The following MAST4 variants were observed in gnomAD, a reference collection of about 807,000 sequenced individuals.
MAST4 encodes microtubule-associated serine/threonine-protein kinase 4.
Under a neutral mutation model 162.7 loss-of-function variants are expected in MAST4, and 89 were observed. The ratio of observed to expected loss-of-function variants is 0.55; its 90% CI spans 0.46 to 0.65. MAST4 has a LOEUF of 0.65. Ranked by LOEUF, MAST4 falls within the 30% of genes least tolerant of loss-of-function variation. The probability of loss-of-function intolerance (pLI) is 0.00; values close to 1 mark genes in which losing one functional copy is unlikely to be tolerated. For missense variants in MAST4, 3,153 were observed against 3,374.0 expected (o/e 0.93, Z 1.62); for synonymous variants, 1,479 against 1,361.1 (o/e 1.09, Z -1.91).
chr5:66,597,335 G>A (rs1047110964), intron 1 of MAST4, among the ~76,000 whole-genome samples: 1 of 152,224 alleles, frequency 6.6e-6, no homozygotes, highest in Admixed American at 6.5e-5. Flanking sequence ...CTGGACATCT[G>A]GCGTGTCCCC....
chr5:66,953,284 T>A (rs76570726), intron 4 of MAST4, among the ~76,000 whole-genome samples: 1 of 152,154 alleles, frequency 6.6e-6, no homozygotes, highest in East Asian at 1.9e-4. Context: ...AAATATTGCA[T>A]TGGGGAGATC....
Position 66,882,499 on chromosome 5 carries a change from T to C in MAST4, c.643-17452T>C, listed in dbSNP as rs1019931050. Among the ~76,000 whole-genome samples the C allele has an allele frequency of 3.3e-5, 5 of 152,346 alleles. No homozygotes were observed. The East Asian group carries it at 7.7e-4, about 23-fold the overall frequency. On this transcript the variant is annotated intron_variant, in intron 3 of 28. Coordinates refer to ENST00000403625, the MANE Select transcript of MAST4 (RefSeq NM_001164664.2). Reference sequence around the variant, plus strand: ...TTGACTTAACTGTACTGATCATTTATTTTGCTTTACTCTGCCAGTTAGTAA... The same window carrying C: ...TTGACTTAACTGTACTGATCATTTACTTTGCTTTACTCTGCCAGTTAGTAA...
At chr5:67,133,087 GAAAC>G (rs1259457807) in intron 16 of MAST4, among the ~76,000 whole-genome samples, 7 of 152,122 alleles carry the variant, frequency 4.6e-5, no homozygotes, top group Admixed American at 6.5e-5. Context: ...GTTGAAATCT[GAAAC>G]AATACAATAT....
At chr5:67,027,492 C>T (rs1754807044) in intron 4 of MAST4, among the ~76,000 whole-genome samples, 1 of 152,192 alleles carries the variant, frequency 6.6e-6, no homozygotes. Flanking sequence ...GAGTCTTAGA[C>T]ATGGTTCCTG....
chr5:66,649,381 A>T (rs1414807467), intron 1 of MAST4, among the ~76,000 whole-genome samples: 1 of 152,126 alleles, frequency 6.6e-6, no homozygotes, highest in East Asian at 1.9e-4. Context: ...CGGTAAGTAG[A>T]TGCACAGGAG....
intron 3 of MAST4, among the ~76,000 whole-genome samples, chr5:66,865,912 C>T (rs1760478998): frequency 4.6e-5 from 7 of 151,584 alleles, no homozygotes; most frequent in Admixed American, 3.9e-4. Context: ...CCATCTTTAC[C>T]AAAAATACGA....
chr5:66,853,112 G>A (rs1759435894), intron 3 of MAST4, among the ~76,000 whole-genome samples: 1 of 152,214 alleles, frequency 6.6e-6, no homozygotes, highest in South Asian at 2.1e-4. Flanking sequence ...GACTGGTAGA[G>A]TCAAGTTATT....
At chr5:67,067,939 A>G (rs931637930) in intron 5 of MAST4, among the ~76,000 whole-genome samples, 3 of 152,120 alleles carry the variant, frequency 2.0e-5, no homozygotes, top group African/African-American at 7.2e-5. Context: ...ACACACATAC[A>G]CACACACAGG....
chr5:66,828,647 A>G (rs1489659545), intron 3 of MAST4: 11 of 668,836 alleles, frequency 1.6e-5, no homozygotes, highest in Non-Finnish European at 2.5e-5. Context: ...GCTCTCTCCC[A>G]CCGAACTGCA....
At chr5:66,767,897 G>C (rs1484798830) in intron 2 of MAST4, among the ~76,000 whole-genome samples, 1 of 152,092 alleles carries the variant, frequency 6.6e-6, no homozygotes, top group Non-Finnish European at 1.5e-5. Context: ...CCAGATTAAG[G>C]GTGGGTCTGC....
intron 4 of MAST4, among the ~76,000 whole-genome samples, chr5:66,987,704 A>G (rs1022884906): frequency 2.0e-5 from 3 of 152,116 alleles, no homozygotes; most frequent in Non-Finnish European, 4.4e-5. Flanking sequence ...GATCATGTCA[A>G]ATATTTGGTT....
At chr5:66,660,096 G>A (rs1365946897) in intron 1 of MAST4, among the ~76,000 whole-genome samples, 1 of 152,198 alleles carries the variant, frequency 6.6e-6, no homozygotes, top group Non-Finnish European at 1.5e-5. Flanking sequence ...ACATGAAAGT[G>A]CTACATGCGT....
intron 1 of MAST4, among the ~76,000 whole-genome samples, chr5:66,609,240 T>C (rs1743113161): frequency 6.6e-6 from 1 of 152,094 alleles, no homozygotes; most frequent in Non-Finnish European, 1.5e-5. Flanking sequence ...TAGTCTTTTA[T>C]TTAAAAAGGT....
At chr5:66,692,217 T>TA (rs1449434300) in intron 1 of MAST4, among the ~76,000 whole-genome samples, 6 of 152,160 alleles carry the variant, frequency 3.9e-5, no homozygotes, top group Non-Finnish European at 8.8e-5. Flanking sequence ...AATCGCATGG[T>TA]AAGAGAAGCA....
Position 66,817,763 on chromosome 5 carries a change from A to C in MAST4, c.642+28969A>C, listed in dbSNP as rs2149725918. Among the ~76,000 whole-genome samples the C allele has an allele frequency of 1.3e-5, 2 of 152,356 alleles. 1 individual carries two copies. Among genetic ancestry groups the C allele is most frequent in the South Asian group, 4.1e-4 (2 of 4,826 alleles). ...TTAGTTTCTGTGAAACACATTGTGC[A>C]TTAATGATATCATTAAGATTAATGA... is the stretch of plus-strand genomic sequence containing the variant. On this transcript the variant is annotated intron_variant, in intron 3 of 28. Transcript: ENST00000403625.
Position 67,047,483 on chromosome 5 carries a change from T to C in MAST4, c.675-6921T>C, listed in dbSNP as rs73117347. Among the ~76,000 whole-genome samples the C allele has an allele frequency of 4.5e-3, 686 of 152,348 alleles. 3 individuals are homozygous for C. Among genetic ancestry groups the C allele is most frequent in the African/African-American group, 0.016 (655 of 41,576 alleles). On this transcript the variant is annotated intron_variant, in intron 4 of 28. Coordinates refer to ENST00000403625, the MANE Select transcript of MAST4 (RefSeq NM_001164664.2). The stretch of plus-strand genomic sequence containing the variant: ...CCTCTCTCACCTCCCCAGTGAGGCC[T>C]TTCCTGACCACCTGTTTGAAATTGT...
intron 4 of MAST4, chr5:66,986,620 T>TATATA (rs58502962): frequency 0.01 from 1,847 of 179,456 alleles, 18 homozygotes; most frequent in Admixed American, 0.04. Context: ...ATATATATAT[T>TATATA]TATTTATTTA....
At chr5:66,670,090 C>T (rs1196198599) in intron 1 of MAST4, among the ~76,000 whole-genome samples, 2 of 152,108 alleles carry the variant, frequency 1.3e-5, no homozygotes, top group Non-Finnish European at 1.5e-5. Flanking sequence ...TGAGTTCCAG[C>T]GAAGGTGTGG....
chr5:66,930,987 T>C, intron 4 of MAST4: 1 of 179,478 alleles, frequency 5.6e-6, no homozygotes, highest in Non-Finnish European at 1.2e-5. Context: ...TTATTCATGT[T>C]TCTCTGCATC....
Sources: gnomAD v4.1 joint callset for allele counts (sites outside exome capture counted in the v4.1 genomes callset) on GRCh38, gnomAD v4.1.1 for gene constraint, MANE v1.5 for transcripts, NCBI Gene and HGNC (gene_info 2026-07-23, HGNC 2026-07-21) for gene names.